Variants in KHDRBS2 observed in about 807,000 individuals in gnomAD.
The protein encoded by KHDRBS2 is KH RNA binding domain containing, signal transduction associated 2, also known as KH domain-containing, RNA-binding, signal transduction-associated protein 2.
KHDRBS2 carries 26 observed loss-of-function variants against 44.3 expected under a neutral mutation model. That is an observed-to-expected ratio of 0.59 (90% confidence interval 0.43 to 0.81). The LOEUF (loss-of-function observed/expected upper bound fraction) is 0.81. Ranked by LOEUF, KHDRBS2 falls within the 40% of genes least tolerant of loss-of-function variation. KHDRBS2 has a pLI of 0.00. For synonymous variants in KHDRBS2, 194 were observed against 151.1 expected, an observed-to-expected ratio of 1.28 and a Z score of -2.08; for missense variants, 476 against 433.1, an observed-to-expected ratio of 1.10 and a Z score of -0.88.
At chr6:62,127,332 A>T (rs1309960459) in intron 2 of KHDRBS2, among the ~76,000 whole-genome samples, 3 of 151,930 alleles carry the variant, frequency 2.0e-5, no homozygotes, top group Non-Finnish European at 2.9e-5. Context: ...CAAAAGGAAT[A>T]AAAAAAACAA....
intron 2 of KHDRBS2, among the ~76,000 whole-genome samples, chr6:62,094,106 C>A (rs796301958): frequency 4.6e-5 from 7 of 151,782 alleles, no homozygotes; most frequent in African/African-American, 1.7e-4. Flanking sequence ...ACCTTTACAC[C>A]ATACTGTTTT....
chr6:62,103,966 T>C (rs1802526128), intron 2 of KHDRBS2, among the ~76,000 whole-genome samples: 1 of 152,030 alleles, frequency 6.6e-6, no homozygotes, highest in Non-Finnish European at 1.5e-5. Flanking sequence ...CATAAGGTCA[T>C]AAAGGATGAC....
At chr6:61,875,377 C>A (rs576673826) in intron 6 of KHDRBS2, among the ~76,000 whole-genome samples, 1 of 152,118 alleles carries the variant, frequency 6.6e-6, no homozygotes, top group African/African-American at 2.4e-5. Context: ...CCATAAAAGT[C>A]CAGTTCCAGG....
At chr6:61,571,973 T>C in the KHDRBS2 span, among the ~76,000 whole-genome samples, 20 of 151,786 alleles carry the variant, frequency 1.3e-4, no homozygotes, top group African/African-American at 3.9e-4. Context: ...AAAGATAAAT[T>C]CAGAACTAAA....
intron 2 of KHDRBS2, among the ~76,000 whole-genome samples, chr6:62,051,967 C>G (rs564553788): frequency 8.6e-5 from 13 of 151,744 alleles, no homozygotes; most frequent in African/African-American, 3.1e-4. Context: ...TAGCTATTTC[C>G]AAAAAGTCAA....
chr6:62,059,568 T>G (rs1442896445), intron 2 of KHDRBS2, among the ~76,000 whole-genome samples: 1 of 151,630 alleles, frequency 6.6e-6, no homozygotes, highest in Non-Finnish European at 1.5e-5. Context: ...TCACAGATAA[T>G]TAGAAAGATA....
chr6:61,898,735 A>G (rs939715317), intron 5 of KHDRBS2, among the ~76,000 whole-genome samples: 2 of 151,972 alleles, frequency 1.3e-5, no homozygotes, highest in African/African-American at 2.4e-5. Context: ...ACTTTCATGC[A>G]CAAAAGGGTT....
chr6:61,543,800 T>C, the KHDRBS2 span, among the ~76,000 whole-genome samples: 5 of 152,044 alleles, frequency 3.3e-5, no homozygotes, highest in Non-Finnish European at 7.4e-5. Flanking sequence ...TCGTTTGCAA[T>C]ACCATGGATG....
chr6:61,657,640 G>A, the KHDRBS2 span, among the ~76,000 whole-genome samples: 2 of 151,974 alleles, frequency 1.3e-5, no homozygotes, highest in Non-Finnish European at 2.9e-5. Context: ...AGCTTTGGAA[G>A]CCTTTCTCCT....
At chr6:62,174,984 T>C (rs916064035) in intron 2 of KHDRBS2, among the ~76,000 whole-genome samples, 12 of 151,702 alleles carry the variant, frequency 7.9e-5, no homozygotes, top group African/African-American at 2.9e-4. Context: ...ACTGATATTT[T>C]TCTAAGAAGT....
chr6:62,154,226 C>T (rs903604521), intron 2 of KHDRBS2, among the ~76,000 whole-genome samples: 10 of 152,160 alleles, frequency 6.6e-5, no homozygotes, highest in African/African-American at 2.4e-4. Context: ...CATGACCAGG[C>T]TCCAGGGACA....
intron 2 of KHDRBS2, among the ~76,000 whole-genome samples, chr6:62,093,799 T>A (rs1192659991): frequency 6.6e-6 from 1 of 151,730 alleles, no homozygotes; most frequent in Non-Finnish European, 1.5e-5. Context: ...GATTCCTCCA[T>A]GTTGCTGCAA....
At chr6:61,596,217 C>T in the KHDRBS2 span, among the ~76,000 whole-genome samples, 1 of 152,146 alleles carries the variant, frequency 6.6e-6, no homozygotes, top group Non-Finnish European at 1.5e-5. Flanking sequence ...GCCCTTACAG[C>T]TTCAGCTTAT....
At chr6:62,056,606 T>C (rs1238525995) in intron 2 of KHDRBS2, among the ~76,000 whole-genome samples, 1 of 152,028 alleles carries the variant, frequency 6.6e-6, no homozygotes, top group Non-Finnish European at 1.5e-5. Flanking sequence ...TTATGTTGGA[T>C]GTATTAAATA....
chr6:62,240,880 C>T (rs1457808683), intron 1 of KHDRBS2, among the ~76,000 whole-genome samples: 3 of 151,590 alleles, frequency 2.0e-5, no homozygotes, highest in African/African-American at 7.2e-5. Context: ...CGTCTCACAA[C>T]TGTTGACCTC....
chr6:61,618,467 A>C, the KHDRBS2 span, among the ~76,000 whole-genome samples: 1 of 152,156 alleles, frequency 6.6e-6, no homozygotes, highest in East Asian at 1.9e-4. Context: ...TTGTCTATTT[A>C]TTTTAACTTT....
intron 6 of KHDRBS2, among the ~76,000 whole-genome samples, chr6:61,825,468 T>C (rs1790689434): frequency 6.6e-6 from 1 of 152,190 alleles, no homozygotes; most frequent in African/African-American, 2.4e-5. Flanking sequence ...TATGTGTACT[T>C]ACACCAAAAT....
chr6:61,596,596 T>C, the KHDRBS2 span, among the ~76,000 whole-genome samples: 1 of 152,188 alleles, frequency 6.6e-6, no homozygotes, highest in Non-Finnish European at 1.5e-5. Flanking sequence ...TTTATTGCTC[T>C]AAGTAGTTGT....
intron 6 of KHDRBS2, among the ~76,000 whole-genome samples, chr6:61,771,988 T>G (rs186147819): frequency 1.3e-5 from 2 of 152,284 alleles, no homozygotes; most frequent in East Asian, 3.9e-4. Flanking sequence ...ACAAACTGTA[T>G]CTCAGACCAC....
Sources: gnomAD v4.1 joint callset for allele counts (sites outside exome capture counted in the v4.1 genomes callset) on GRCh38, gnomAD v4.1.1 for gene constraint, MANE v1.5 for transcripts, NCBI Gene and HGNC (gene_info 2026-07-23, HGNC 2026-07-21) for gene names.